ADGRA2: variants seen among roughly 807,000 people sequenced by gnomAD.
The protein encoded by ADGRA2 is adhesion G protein-coupled receptor A2, also known as G-protein coupled receptor 124.
ADGRA2 carries 61 observed loss-of-function variants against 98.7 expected under a neutral mutation model. The ratio of observed to expected loss-of-function variants is 0.62; its 90% CI spans 0.50 to 0.76. The LOEUF (loss-of-function observed/expected upper bound fraction) is 0.76, where lower values mean the gene tolerates loss of function less well. Among genes scored for constraint, ADGRA2 ranks in the 30% least tolerant of loss-of-function variants. ADGRA2 has a pLI of 0.00. For synonymous variants in ADGRA2, 858 were observed against 831.5 expected (o/e 1.03, Z -0.55); for missense variants, 1,712 against 1,860.0 (o/e 0.92, Z 1.46).
chr8:37,819,752 C>T (rs1362406512), intron 2 of ADGRA2, among the ~76,000 whole-genome samples: 1 of 152,016 alleles, frequency 6.6e-6, no homozygotes, highest in African/African-American at 2.4e-5. Flanking sequence ...CTCACTGCAA[C>T]CTCCACCTCC....
At position 37,797,458 on chromosome 8, in the gene ADGRA2, C is replaced by T. The variant is rs752283010; in HGVS notation, c.190C>T (p.Arg64Trp). ...LSGGVPGPAR[R>W]RVVCSGGDLP... ...CGGCGGCGTCCCTGGCCCGGCTCGG[C>T]GGAGGGTGGTGTGCAGCGGCGGGGA... The change falls in exon 1 of 19, where the codon CGG becomes TGG. Residue 64 changes from arginine to tryptophan, a missense_variant. Coordinates refer to ENST00000412232, the MANE Select transcript of ADGRA2 (RefSeq NM_032777.10). This position sits in a 1 kb window ranked among gnomAD's most constrained non-coding sequence, Gnocchi z 5.3. 2.8e-6 allele frequency: 4 copies of T among 1,421,556 alleles called. No homozygotes were observed. Among genetic ancestry groups the T allele is most frequent in the Admixed American group, 6.0e-5 (2 of 33,232 alleles). 88.1% of individuals were successfully genotyped at this position (1,421,556 alleles called of 1,614,324 possible). A position where few individuals can be genotyped will look rare whatever the true frequency, so the allele number is the denominator to read the frequency against.
At position 37,835,631 on chromosome 8, in the gene ADGRA2, GC is replaced by G. The variant is rs2130035547; in HGVS notation, c.1916del (p.Pro639GlnfsTer53). 1 of 1,613,506 alleles carries G rather than the reference GC, an allele frequency of 6.2e-7. No homozygotes were observed. Among genetic ancestry groups the G allele is most frequent in the East Asian group, 2.2e-5 (1 of 44,864 alleles). On this transcript the variant is annotated frameshift_variant, in exon 13 of 19. Transcript: ENST00000412232. LOFTEE classifies it high-confidence loss of function. ...TTCCGGCTGCCCTGGCTCCCCCGGT[GC>G]CCCCAGACTGCACCCTGCAACTGCT... ...SLPAALAPPV[P>X]PDCTLQLLVF...
chr8:37,811,126 A>C (rs527823004), intron 1 of ADGRA2, among the ~76,000 whole-genome samples: 3,336 of 145,972 alleles, frequency 0.023, 184 homozygotes, highest in African/African-American at 0.082. Context: ...AAACAAAAAA[A>C]AAAAAAAAAA....
intron 17 of ADGRA2, among the ~76,000 whole-genome samples, chr8:37,840,471 A>G (rs536675054): frequency 4.6e-5 from 7 of 152,250 alleles, no homozygotes; most frequent in Admixed American, 3.9e-4. Flanking sequence ...TGACAAAGCC[A>G]GGGAAGGAGA....
Position 37,834,170 on chromosome 8 carries a change from G to A in ADGRA2, c.1608+42G>A. 6.4e-7 allele frequency: 1 copy of A among 1,554,120 alleles called. No individual in the cohort carries two copies. The highest frequency in any genetic ancestry group is 8.7e-7 in the Non-Finnish European group (1 of 1,143,246). ...GAGGGGGTGGCCCTGGCATGCAGAGGAGGGAGGCGCTCCCTCTCAGGCGTG... is the reference window on the plus strand; with the variant it reads ...GAGGGGGTGGCCCTGGCATGCAGAGAAGGGAGGCGCTCCCTCTCAGGCGTG... On this transcript the variant is annotated intron_variant, in intron 11 of 18. Coordinates refer to ENST00000412232, the MANE Select transcript of ADGRA2 (RefSeq NM_032777.10). This position sits in a 1 kb window ranked among gnomAD's most constrained non-coding sequence, Gnocchi z 4.2.
rs2072580265 is a variant in ADGRA2 at position 37,814,373 on chromosome 8, T to G, written c.267-523T>G. On this transcript the variant is annotated intron_variant, in intron 1 of 18. Transcript: ENST00000412232. The surrounding 1 kb of genome is among the most constrained non-coding windows in gnomAD (Gnocchi z 4.3). ...GCGGCCACTGTGCACTCAGGCCCTCTGAGATGGGGGCCTGTGAGGTCCTTC... is the reference window on the plus strand; with the variant it reads ...GCGGCCACTGTGCACTCAGGCCCTCGGAGATGGGGGCCTGTGAGGTCCTTC... Among the ~76,000 whole-genome samples, 1 of 152,124 alleles carries G rather than the reference T, an allele frequency of 6.6e-6. No homozygotes were observed. The highest frequency in any genetic ancestry group is 1.5e-5 in the Non-Finnish European group (1 of 68,002).
At chr8:37,803,959 C>A (rs1341912319) in intron 1 of ADGRA2, among the ~76,000 whole-genome samples, 2 of 152,056 alleles carry the variant, frequency 1.3e-5, no homozygotes, top group African/African-American at 4.8e-5. Context: ...GGCTCCTAGC[C>A]TTGCTGGGAA....
chr8:37,823,368 A>G (rs575800130), intron 2 of ADGRA2, among the ~76,000 whole-genome samples: 38 of 150,326 alleles, frequency 2.5e-4, no homozygotes, highest in Middle Eastern at 3.6e-3. Flanking sequence ...TGCCTGGCCA[A>G]TTTTCTTTTT....
chr8:37,802,167 T>TCG lies in ADGRA2; in HGVS notation c.266+4634_266+4635insGC, dbSNP rs1804527706. On this transcript the variant is annotated intron_variant, in intron 1 of 18. Coordinates refer to ENST00000412232, the MANE Select transcript of ADGRA2 (RefSeq NM_032777.10). The surrounding 1 kb of genome is among the most constrained non-coding windows in gnomAD (Gnocchi z 4.7). ...AGTGGTTCTTGAGCACAGGTCTCCC[T>TCG]CTGGACCTCCAGCTGCTGGCTGGGA... Among the ~76,000 whole-genome samples, 1 of 152,204 alleles carries TCG rather than the reference T, an allele frequency of 6.6e-6. No individual in the cohort carries two copies. The highest frequency in any genetic ancestry group is 6.5e-5 in the Admixed American group (1 of 15,284).
chr8:37,821,717 GT>G (rs1323972380), intron 2 of ADGRA2, among the ~76,000 whole-genome samples: 2 of 152,226 alleles, frequency 1.3e-5, no homozygotes. Context: ...AAAGGAAAGA[GT>G]CTGGGAAGGG....
In ADGRA2 at chr8:37,814,399, G is replaced by A. The variant is rs1033694686; in HGVS notation, c.267-497G>A. ...GAGATGGGGGCCTGTGAGGTCCTTC[G>A]CTCACAGGTGAGAGTGTGCGAGCCT... On this transcript the variant is annotated intron_variant, in intron 1 of 18. Transcript: ENST00000412232. The surrounding 1 kb of genome is among the most constrained non-coding windows in gnomAD (Gnocchi z 4.3). 6.6e-6 allele frequency among the ~76,000 whole-genome samples: 1 copy of A among 152,164 alleles called. No individual in the cohort carries two copies. Among genetic ancestry groups the A allele is most frequent in the Non-Finnish European group, 1.5e-5 (1 of 68,022 alleles).
At chr8:37,822,394 C>CACACACACACAT in intron 2 of ADGRA2, among the ~76,000 whole-genome samples, 1 of 129,436 alleles carries the variant, frequency 7.7e-6, no homozygotes, top group Non-Finnish European at 1.6e-5. Context: ...TACACACACA[C>CACACACACACAT]ACACACACAC....
chr8:37,820,766 G>T (rs928094736), intron 2 of ADGRA2, among the ~76,000 whole-genome samples: 5 of 151,668 alleles, frequency 3.3e-5, no homozygotes, highest in African/African-American at 1.2e-4. Context: ...GTGTACGTGA[G>T]GGGGTCGCCT....
chr8:37,830,499 G>A lies in ADGRA2; in HGVS notation c.719-211G>A, dbSNP rs1367971552. Among the ~76,000 whole-genome samples, 3 of 152,150 alleles carry A rather than the reference G, an allele frequency of 2.0e-5. No individual in the cohort carries two copies. Among genetic ancestry groups the A allele is most frequent in the African/African-American group, 4.8e-5 (2 of 41,428 alleles). The stretch of plus-strand genomic sequence containing the variant: ...TTGGGGTAACACGTGTGCTGAGAAA[G>A]GAGTACTTTTCTTTGTCCAAAAACC... On this transcript the variant is annotated intron_variant, in intron 6 of 18. Transcript: ENST00000412232. The surrounding 1 kb of genome is among the most constrained non-coding windows in gnomAD (Gnocchi z 4.8).
At chr8:37,812,924 A>T (rs1206463473) in intron 1 of ADGRA2, among the ~76,000 whole-genome samples, 1 of 152,074 alleles carries the variant, frequency 6.6e-6, no homozygotes. Flanking sequence ...CCTGGCCTCA[A>T]GTGATCTGCC....
rs757455618 is a variant in ADGRA2, at chr8:37,835,400, TGG to T, written c.1833+4_1833+5del. 9.3e-6 allele frequency: 14 copies of T among 1,507,446 alleles called. No individual in the cohort carries two copies. Among genetic ancestry groups the T allele is most frequent in the Non-Finnish European group, 1.2e-5 (13 of 1,120,816 alleles). 93.4% of individuals were successfully genotyped at this position (1,507,446 alleles called of 1,614,324 possible). A position where few individuals can be genotyped will look rare whatever the true frequency, so the allele number is the denominator to read the frequency against. The stretch of plus-strand genomic sequence containing the variant: ...TCTCTGTCGTCCTTCCACATCAAGG[TGG>T]GCGCTGGGGGAGGGAGAGGGGGTGG... On this transcript the variant is annotated splice_donor_region_variant and intron_variant, in intron 12 of 18. Coordinates refer to ENST00000412232, the MANE Select transcript of ADGRA2 (RefSeq NM_032777.10).
rs1015246952 is a variant in ADGRA2 at position 37,842,779 on chromosome 8, T to C, written c.*424T>C. 35 of 164,326 alleles carry C rather than the reference T, an allele frequency of 2.1e-4. No homozygotes were observed. Among genetic ancestry groups the C allele is most frequent in the Non-Finnish European group, 2.0e-4 (15 of 76,390 alleles). 10.2% of individuals were successfully genotyped at this position (164,326 alleles called of 1,614,324 possible). A position where few individuals can be genotyped will look rare whatever the true frequency, so the allele number is the denominator to read the frequency against. ...TTCTTTCCTCCCTGCCCTCTACTGA[T>C]TTCAGCCCAGCCCCTGCCTAGATCC... On this transcript the variant is annotated 3_prime_UTR_variant, in exon 19 of 19. Transcript: ENST00000412232.
intron 2 of ADGRA2, among the ~76,000 whole-genome samples, chr8:37,827,508 A>G (rs1366280008): frequency 6.6e-6 from 1 of 152,242 alleles, no homozygotes; most frequent in African/African-American, 2.4e-5. Context: ...AATTTGAGCC[A>G]CAGACTCAGG....
rs540552226 is a variant in ADGRA2 at position 37,843,964 on chromosome 8, C to T, written c.*1609C>T. On this transcript the variant is annotated 3_prime_UTR_variant, in exon 19 of 19. Transcript: ENST00000412232. ...TAATATATTAAAATTTTGCAAAGCC[C>T]TTTGAGCTACTGCCTTAGTCTACCC... is the stretch of plus-strand genomic sequence containing the variant. The T allele has an allele frequency of 6.5e-6, 1 of 153,650 alleles. No individual in the cohort carries two copies. Among genetic ancestry groups the T allele is most frequent in the Non-Finnish European group, 1.5e-5 (1 of 68,808 alleles). 9.5% of individuals were successfully genotyped at this position (153,650 alleles called of 1,614,324 possible). A position where few individuals can be genotyped will look rare whatever the true frequency, so the allele number is the denominator to read the frequency against.
Sources: allele counts gnomAD v4.1 joint callset (sites outside exome capture counted in the v4.1 genomes callset), GRCh38; gene constraint gnomAD v4.1.1; non-coding constraint Gnocchi (gnomAD v3.1); transcripts MANE v1.5; gene names NCBI Gene and HGNC (gene_info 2026-07-23, HGNC 2026-07-21).